The following LDLRAD4 variants were observed in gnomAD, a reference collection of about 807,000 sequenced individuals.
LDLRAD4 encodes the protein low density lipoprotein receptor class A domain containing 4, also known as low-density lipoprotein receptor class A domain-containing protein 4.
In LDLRAD4, 5 loss-of-function variants were observed where a neutral mutation model predicts 17.0. That is an observed-to-expected ratio of 0.29 (90% confidence interval 0.15 to 0.62). LDLRAD4 has a LOEUF of 0.62. Among genes scored for constraint, LDLRAD4 ranks in the 20% least tolerant of loss-of-function variants. LDLRAD4 has a pLI of 0.84. For missense variants in LDLRAD4, 340 were observed against 424.7 expected (o/e 0.80, Z 1.75); for synonymous variants, 168 against 171.8 (o/e 0.98, Z 0.17).
intron 2 of LDLRAD4, chr18:13,423,623 T>C (rs1162885782): frequency 6.6e-6 from 1 of 152,618 alleles, no homozygotes; most frequent in African/African-American, 2.4e-5. Flanking sequence ...ACTCTCCATT[T>C]GTGCTTCTAG....
chr18:13,287,215 A>G (rs578220974), intron 1 of LDLRAD4, among the ~76,000 whole-genome samples: 33 of 152,322 alleles, frequency 2.2e-4, no homozygotes, highest in South Asian at 8.3e-4. Context: ...ATATCTTAGT[A>G]TATCTTTCTA....
intron 1 of LDLRAD4, among the ~76,000 whole-genome samples, chr18:13,371,665 T>C (rs1328486796): frequency 6.6e-6 from 1 of 151,814 alleles, no homozygotes; most frequent in Non-Finnish European, 1.5e-5. Context: ...CTTGGGAGGC[T>C]GAGGCAGGAG....
chr18:13,588,925 CTTTT>C (rs1443900099), intron 3 of LDLRAD4, among the ~76,000 whole-genome samples: 4 of 146,230 alleles, frequency 2.7e-5, no homozygotes, highest in Non-Finnish European at 6.0e-5. Context: ...TTTTTTTTTT[CTTTT>C]TTTCTTTTTT....
chr18:13,505,627 G>A (rs1472535050), intron 3 of LDLRAD4, among the ~76,000 whole-genome samples: 3 of 152,090 alleles, frequency 2.0e-5, no homozygotes, highest in Non-Finnish European at 2.9e-5. Context: ...AGACCATCCT[G>A]GCTAGCACGG....
intron 3 of LDLRAD4, chr18:13,486,334 C>G (rs2093222067): frequency 6.6e-6 from 1 of 152,158 alleles, no homozygotes; most frequent in Non-Finnish European, 1.5e-5. Context: ...TTTCCTTTCT[C>G]CAAAGAGTTG....
At chr18:13,248,254 C>T (rs1034891686) in intron 1 of LDLRAD4, among the ~76,000 whole-genome samples, 1 of 152,270 alleles carries the variant, frequency 6.6e-6, no homozygotes, top group Non-Finnish European at 1.5e-5. Context: ...AGCCACCGCG[C>T]CCGGCCATAG....
intron 1 of LDLRAD4, among the ~76,000 whole-genome samples, chr18:13,375,525 T>C (rs984124710): frequency 6.6e-6 from 1 of 152,180 alleles, no homozygotes; most frequent in African/African-American, 2.4e-5. Flanking sequence ...GAGGGCCTGC[T>C]GGGTCAGGGC....
intron 1 of LDLRAD4, among the ~76,000 whole-genome samples, chr18:13,245,436 C>G (rs995319350): frequency 2.0e-5 from 3 of 152,228 alleles, no homozygotes; most frequent in African/African-American, 7.2e-5. Context: ...TCATACAGGA[C>G]TTTGCCAATT....
At chr18:13,325,877 C>T (rs907201295) in intron 1 of LDLRAD4, among the ~76,000 whole-genome samples, 1 of 152,088 alleles carries the variant, frequency 6.6e-6, no homozygotes, top group Non-Finnish European at 1.5e-5. Context: ...CTCAGCCTCC[C>T]GAGTAGCCGG....
intron 3 of LDLRAD4, among the ~76,000 whole-genome samples, chr18:13,463,590 A>T (rs1346068998): frequency 6.6e-6 from 1 of 152,194 alleles, no homozygotes; most frequent in Non-Finnish European, 1.5e-5. Context: ...TTTAATTTAC[A>T]TCATCTAGTG....
rs527582376 is a variant in LDLRAD4, at chr18:13,311,722, A to T, written c.-383+33534A>T. 4.6e-5 allele frequency among the ~76,000 whole-genome samples: 7 copies of T among 152,252 alleles called. No individual in the cohort carries two copies. The South Asian group carries it at 1.4e-3, about 32-fold the overall frequency. ...GCCTGAGTCCGGAAAGGAGTTCTGC[A>T]TTTCCATGCCGCCTGTGGCTCACCT... On this transcript the variant is annotated intron_variant, in intron 1 of 5. Coordinates refer to ENST00000359446, the Ensembl canonical transcript of LDLRAD4.
chr18:13,374,448 A>G (rs2084752661), intron 1 of LDLRAD4, among the ~76,000 whole-genome samples: 1 of 152,240 alleles, frequency 6.6e-6, no homozygotes, highest in Non-Finnish European at 1.5e-5. Flanking sequence ...CCCCAGCAGC[A>G]TCAGCATCCC....
At chr18:13,364,745 C>T (rs997502689) in intron 1 of LDLRAD4, among the ~76,000 whole-genome samples, 2 of 152,138 alleles carry the variant, frequency 1.3e-5, no homozygotes, top group Non-Finnish European at 2.9e-5. Context: ...TCCTGCATAC[C>T]TGAGGCTGGC....
chr18:13,223,596 T>C (rs2041585719), intron 1 of LDLRAD4, among the ~76,000 whole-genome samples: 1 of 152,196 alleles, frequency 6.6e-6, no homozygotes, highest in Non-Finnish European at 1.5e-5. Flanking sequence ...AAAGTCTCTC[T>C]GCTTCCGAAG....
chr18:13,301,281 CCCA>C (rs1449547007), intron 1 of LDLRAD4, among the ~76,000 whole-genome samples: 1 of 152,182 alleles, frequency 6.6e-6, no homozygotes, highest in African/African-American at 2.4e-5. Flanking sequence ...ACACTCTTTC[CCCA>C]CAACTCCAGT....
intron 1 of LDLRAD4, among the ~76,000 whole-genome samples, chr18:13,354,391 T>G (rs111888475): frequency 0.014 from 2,085 of 152,320 alleles, 32 homozygotes; most frequent in Middle Eastern, 0.034. Context: ...TTTGAAATGG[T>G]AAGATTTTGG....
intron 3 of LDLRAD4, among the ~76,000 whole-genome samples, chr18:13,469,006 TA>T (rs142640894): frequency 0.056 from 8,510 of 151,634 alleles, 792 homozygotes; most frequent in African/African-American, 0.19. Context: ...ATAATAATAA[TA>T]AAAAAAGAAC....
chr18:13,363,675 T>C (rs751364518), intron 1 of LDLRAD4, among the ~76,000 whole-genome samples: 2 of 152,220 alleles, frequency 1.3e-5, no homozygotes, highest in Non-Finnish European at 1.5e-5. Context: ...ATGATGCTAG[T>C]TCTCATTTCC....
intron 3 of LDLRAD4, among the ~76,000 whole-genome samples, chr18:13,477,791 G>A (rs970635678): frequency 2.6e-5 from 4 of 152,194 alleles, no homozygotes; most frequent in South Asian, 2.1e-4. Flanking sequence ...CAGAAGAGGC[G>A]TCTGATGCAG....
Sources: gnomAD v4.1 joint callset for allele counts (sites outside exome capture counted in the v4.1 genomes callset) on GRCh38, gnomAD v4.1.1 for gene constraint, MANE v1.5 for transcripts, NCBI Gene and HGNC (gene_info 2026-07-23, HGNC 2026-07-21) for gene names.